Variants in SHF observed in about 807,000 individuals in gnomAD.
SHF encodes Src homology 2 domain containing F, also known as SH2 domain-containing adapter protein F.
Under a neutral mutation model 42.4 loss-of-function variants are expected in SHF, and 30 were observed. That is an observed-to-expected ratio of 0.71 (90% CI 0.53 to 0.96). The LOEUF is 0.96. Ranked by LOEUF, SHF falls within the 40% of genes least tolerant of loss-of-function variation. The probability of loss-of-function intolerance (pLI) is 0.00; values close to 1 mark genes in which losing one functional copy is unlikely to be tolerated. For missense variants in SHF, 598 were observed against 634.0 expected (o/e 0.94, Z 0.61); for synonymous variants, 264 against 269.9 (o/e 0.98, Z 0.21).
chr15:45,169,983 T>A (rs1399124530), intron 6 of SHF, among the ~76,000 whole-genome samples: 1 of 152,250 alleles, frequency 6.6e-6, no homozygotes, highest in Admixed American at 6.5e-5. Context: ...AAGCCATTTA[T>A]ATGCAAACGA....
chr15:45,172,994 C>T (rs977839113), intron 4 of SHF, among the ~76,000 whole-genome samples: 1 of 152,202 alleles, frequency 6.6e-6, no homozygotes, highest in African/African-American at 2.4e-5. Flanking sequence ...CGTGCACGTA[C>T]GGACAGACAC....
intron 1 of SHF, among the ~76,000 whole-genome samples, chr15:45,184,845 G>T (rs1024804986): frequency 6.6e-5 from 10 of 152,246 alleles, no homozygotes; most frequent in Admixed American, 2.6e-4. Flanking sequence ...GTTGCAGGGC[G>T]CGGCTCCTGC....
At chr15:45,201,068 C>A (rs7173715) in exon 1 of SHF, 17,877 of 340,932 alleles carry the variant, frequency 0.052, 2,505 homozygotes, top group African/African-American at 0.32. Context: ...AGATAATGGA[C>A]GCTTAGGAAA....
intron 6 of SHF, 130 bp downstream of exon 6, chr15:45,171,752 CA>C (rs2141342693): frequency 2.1e-6 from 2 of 961,348 alleles, no homozygotes; most frequent in South Asian, 3.3e-5. Context: ...TCAGACATCT[CA>C]GGACCCCCAG....
intron 2 of SHF, among the ~76,000 whole-genome samples, chr15:45,176,670 T>C (rs1378172048): frequency 6.6e-6 from 1 of 152,084 alleles, no homozygotes; most frequent in Non-Finnish European, 1.5e-5. Flanking sequence ...GACATACCAT[T>C]GTTTCAAACT....
Position 45,167,270 on chromosome 15 carries a change from G to T in SHF, c.*677C>A, listed in dbSNP as rs1192058900. On this transcript the variant is annotated 3_prime_UTR_variant, in exon 7 of 7. Coordinates refer to ENST00000690270, the MANE Select transcript of SHF (RefSeq NM_001394037.1). ...GAGCTGATTTATACGCAGAATCTGC[G>T]CTCGCTTCTCCGCTCCCTCCCCCGT... 1 of 152,270 alleles carries T rather than the reference G, an allele frequency of 6.6e-6. No homozygotes were observed. The highest frequency in any genetic ancestry group is 1.5e-5 in the Non-Finnish European group (1 of 68,082). The allele number at this position is 152,270 out of a possible 1,614,324, so 9.4% of individuals were successfully genotyped here. A position where few individuals can be genotyped will look rare whatever the true frequency, so the allele number is the denominator to read the frequency against.
rs940939016 is a variant in SHF, at chr15:45,200,546, C to G, written c.-47+181G>C. 9 of 365,170 alleles carry G rather than the reference C, an allele frequency of 2.5e-5. No individual in the cohort carries two copies. The East Asian group carries it at 6.5e-4, about 27-fold the overall frequency. 22.6% of individuals were successfully genotyped at this position (365,170 alleles called of 1,614,324 possible). Reference sequence around the variant, plus strand: ...GAACTCTTCTCTGTTGAAAGCCCCGCCCCCTTGCAATGTCATTGATTTGTC... The same window carrying G: ...GAACTCTTCTCTGTTGAAAGCCCCGGCCCCTTGCAATGTCATTGATTTGTC... On this transcript the variant is annotated intron_variant, in intron 1 of 7. Transcript: ENST00000290894.
At chr15:45,196,241 A>G (rs1898858132) in intron 2 of SHF, among the ~76,000 whole-genome samples, 1 of 151,990 alleles carries the variant, frequency 6.6e-6, no homozygotes, top group African/African-American at 2.4e-5. Flanking sequence ...CTACAGGGGC[A>G]TGCCACCACA....
At chr15:45,190,117 G>A (rs528894596), upstream of SHF, among the ~76,000 whole-genome samples, 60 of 152,274 alleles carry the variant, frequency 3.9e-4, no homozygotes, top group Non-Finnish European at 1.5e-4. Context: ...TAGCTGGGGT[G>A]GGGTCCCAGG....
At chr15:45,175,096 A>G (rs1897728676) in intron 3 of SHF, 123 bp downstream of exon 3, 1 of 1,085,758 alleles carries the variant, frequency 9.2e-7, no homozygotes, top group African/African-American at 1.6e-5. Context: ...GAACTCAACT[A>G]CATTTCCCTG....
At position 45,187,869 on chromosome 15, in the gene SHF, G is replaced by A; in HGVS notation, c.83C>T (p.Ser28Phe). 8.7e-7 allele frequency: 1 copy of A among 1,150,436 alleles called. No individual in the cohort carries two copies. The highest frequency in any genetic ancestry group is 1.1e-6 in the Non-Finnish European group (1 of 926,396). 71.3% of individuals were successfully genotyped at this position (1,150,436 alleles called of 1,614,324 possible). A position where few individuals can be genotyped will look rare whatever the true frequency, so the allele number is the denominator to read the frequency against. The stretch of plus-strand genomic sequence containing the variant: ...TCCCGCACCCCCGGCGCCCCGGCGG[G>A]ACCCCCCCGGGCCGCCCCCAGCGCT... ...QGSAGGGPGG[S>F]RRGAGGAGAG... The change falls in exon 1 of 7, where the codon TCC becomes TTC. Residue 28 changes from serine (S) to phenylalanine (F), a missense_variant. By Grantham distance (155) the Ser-to-Phe change is radical (BLOSUM62 -2). This residue lies in a region of SHF where 159 missense variants were observed against 109.3 expected (regional missense o/e 1.45). Transcript: ENST00000690270.
Position 45,187,860 on chromosome 15 carries a change from C to T in SHF, c.92G>A (p.Gly31Asp). Residue 31 changes from glycine to aspartate, a missense_variant, in exon 1 of 7, where the codon GGC becomes GAC. Physicochemically the swap from Gly to Asp is moderately conservative, Grantham distance 94 (BLOSUM62 -1). Around this residue, in one of 2 missense-constraint regions of SHF, gnomAD observed 159 missense variants for 109.3 expected, o/e 1.45. Transcript: ENST00000690270. ...TGGGCCGGCTCCCGCACCCCCGGCG[C>T]CCCGGCGGGACCCCCCCGGGCCGCC... ...AGGGPGGSRR[G>D]AGGAGAGPGG... The T allele has an allele frequency of 9.0e-7, 1 of 1,110,404 alleles. No homozygotes were observed. The highest frequency in any genetic ancestry group is 1.1e-6 in the Non-Finnish European group (1 of 889,980). 68.8% of individuals were successfully genotyped at this position (1,110,404 alleles called of 1,614,324 possible). A position where few individuals can be genotyped will look rare whatever the true frequency, so the allele number is the denominator to read the frequency against.
At chr15:45,177,495 G>A (rs1897877469) in intron 2 of SHF, among the ~76,000 whole-genome samples, 2 of 152,112 alleles carry the variant, frequency 1.3e-5, no homozygotes, top group Admixed American at 6.5e-5. Flanking sequence ...CCATTTTGAA[G>A]CAAGTCCAGA....
chr15:45,168,525 C>T (rs1174836485), intron 6 of SHF, among the ~76,000 whole-genome samples: 2 of 152,170 alleles, frequency 1.3e-5, no homozygotes, highest in Non-Finnish European at 2.9e-5. Context: ...TTTGGTAGGA[C>T]ACCCGTGAGG....
chr15:45,171,076 C>CAG (rs1371970246), intron 6 of SHF: 1 of 153,778 alleles, frequency 6.5e-6, no homozygotes. Context: ...CTGATGGTCC[C>CAG]AGAGAATGTG....
upstream of SHF, among the ~76,000 whole-genome samples, chr15:45,189,192 C>CAA (rs1166122506): frequency 7.0e-3 from 408 of 58,470 alleles, no homozygotes; most frequent in African/African-American, 0.024. Context: ...GACTCCGTCT[C>CAA]AAAAAAAAAA....
At position 45,187,778 on chromosome 15, in the gene SHF, G is replaced by C; in HGVS notation, c.174C>G (p.Arg58=). 1.2e-6 allele frequency: 1 copy of C among 841,606 alleles called. No homozygotes were observed. The highest frequency in any genetic ancestry group is 1.6e-6 in the Non-Finnish European group (1 of 641,894). 52.1% of individuals were successfully genotyped at this position (841,606 alleles called of 1,614,324 possible). A position where few individuals can be genotyped will look rare whatever the true frequency, so the allele number is the denominator to read the frequency against. Residue 58 remains arginine (R), a synonymous_variant, in exon 1 of 7, where the codon CGC becomes CGG. Transcript: ENST00000690270. The part of the protein sequence containing the change: ...AKWLREHLGF[R]GGGGGGGGSK... ...TGCCCCCTCCGCCGCCGCCCCCCCC[G>C]CGGAAGCCCAGGTGCTCCCGGAGCC... is the stretch of plus-strand genomic sequence containing the variant.
At chr15:45,178,113 G>A in intron 2 of SHF, 52 bp downstream of exon 2, 1 of 1,577,734 alleles carries the variant, frequency 6.3e-7, no homozygotes, top group Non-Finnish European at 8.6e-7. Context: ...CGCAAAGCCT[G>A]TTCTGCAGAG....
At chr15:45,200,857 A>C (rs1172669340) in exon 1 of SHF, 1 of 456,056 alleles carries the variant, frequency 2.2e-6, no homozygotes, top group Non-Finnish European at 4.4e-6. Flanking sequence ...CGTCAGAGAG[A>C]CTTTGGGCCA....
Sources: allele counts gnomAD v4.1 joint callset (sites outside exome capture counted in the v4.1 genomes callset), GRCh38; gene constraint gnomAD v4.1.1; regional missense constraint gnomAD v4.1.1; transcripts MANE v1.5; gene names NCBI Gene and HGNC (gene_info 2026-07-23, HGNC 2026-07-21).